The following UBXN7 variants were observed in gnomAD, a reference collection of about 807,000 sequenced individuals.
UBXN7 encodes UBX domain protein 7.
In UBXN7, 9 loss-of-function variants were observed where a neutral mutation model predicts 58.0. That is an observed-to-expected ratio of 0.16 (90% CI 0.09 to 0.27). The LOEUF (loss-of-function observed/expected upper bound fraction) is 0.27. UBXN7 is among the 10% of genes least tolerant of loss of function. The pLI is 1.00. For missense variants in UBXN7, 328 were observed against 599.6 expected (o/e 0.55, Z 4.73); for synonymous variants, 208 against 205.0 (o/e 1.01, Z -0.12).
rs766448543 is a variant in UBXN7 at position 196,368,174 on chromosome 3, G to A, written c.707-19C>T. The A allele has an allele frequency of 1.9e-6, 3 of 1,598,602 alleles. No individual in the cohort carries two copies. Among genetic ancestry groups the A allele is most frequent in the Non-Finnish European group, 8.5e-7 (1 of 1,173,760 alleles). ...TTCTGACCTAAGGATTAAAAACCAA[G>A]ATCTATAAATAAATATAATATCTAG... is the stretch of plus-strand genomic sequence containing the variant. On this transcript the variant is annotated intron_variant, in intron 7 of 10. Transcript: ENST00000296328.
chr3:196,423,044 G>A (rs1730736292), intron 1 of UBXN7, among the ~76,000 whole-genome samples: 3 of 152,222 alleles, frequency 2.0e-5, no homozygotes, highest in Admixed American at 2.0e-4. Flanking sequence ...CTGGAAAACA[G>A]GAGACTAAAA....
At chr3:196,401,764 A>AT (rs201092578) in intron 3 of UBXN7, among the ~76,000 whole-genome samples, 2 of 127,754 alleles carry the variant, frequency 1.6e-5, no homozygotes, top group African/African-American at 5.9e-5. Flanking sequence ...CTCCATCTCT[A>AT]TTTTAAAAAA....
At chr3:196,425,308 T>C (rs906273578) in intron 1 of UBXN7, among the ~76,000 whole-genome samples, 7 of 152,116 alleles carry the variant, frequency 4.6e-5, no homozygotes, top group African/African-American at 7.2e-5. Flanking sequence ...ACTATCTTTC[T>C]TGGGTTAATA....
intron 6 of UBXN7, 62 bp downstream of exon 6, chr3:196,371,834 C>A: frequency 6.4e-7 from 1 of 1,560,484 alleles, no homozygotes. Flanking sequence ...ATTCCTTTCC[C>A]TCAACAACCC....
At chr3:196,372,522 A>G (rs969732187) in intron 5 of UBXN7, among the ~76,000 whole-genome samples, 4 of 151,794 alleles carry the variant, frequency 2.6e-5, no homozygotes, top group African/African-American at 9.7e-5. Context: ...TTGTATTTTT[A>G]GTAGAGATGG....
At chr3:196,389,015 G>A (rs556185527) in intron 5 of UBXN7, among the ~76,000 whole-genome samples, 1 of 152,174 alleles carries the variant, frequency 6.6e-6, no homozygotes, top group Non-Finnish European at 1.5e-5. Flanking sequence ...AACATCAAAA[G>A]AGATTCGTAT....
intron 1 of UBXN7, among the ~76,000 whole-genome samples, chr3:196,412,230 C>CAAAAAAAAAAAAA (rs55746914): frequency 1.1e-5 from 1 of 89,126 alleles, no homozygotes; most frequent in African/African-American, 4.9e-5. Flanking sequence ...GACTTTGTCT[C>CAAAAAAAAAAAAA]AAAAAAAAAA....
chr3:196,413,985 T>C (rs1348666465), intron 1 of UBXN7, among the ~76,000 whole-genome samples: 1 of 152,182 alleles, frequency 6.6e-6, no homozygotes, highest in Non-Finnish European at 1.5e-5. Flanking sequence ...ACGTGTTCAG[T>C]AGAGATGGAA....
Position 196,401,455 on chromosome 3 carries a change from C to T in UBXN7, c.289+1497G>A, listed in dbSNP as rs377584874. On this transcript the variant is annotated intron_variant, in intron 3 of 10. Coordinates refer to ENST00000296328, the MANE Select transcript of UBXN7 (RefSeq NM_015562.2). ...AATTTTATTCATCCTTTTGTTACAACGTATATTTCCTCCTCTTAGTTTACC... is the reference window on the plus strand; with the variant it reads ...AATTTTATTCATCCTTTTGTTACAATGTATATTTCCTCCTCTTAGTTTACC... Among the ~76,000 whole-genome samples the T allele has an allele frequency of 2.9e-4, 44 of 150,448 alleles. 1 individual carries two copies. In the South Asian group the frequency reaches 8.2e-3, roughly 28 times the overall value.
At chr3:196,367,954 A>G in intron 8 of UBXN7, 74 bp downstream of exon 8, 1 of 1,555,404 alleles carries the variant, frequency 6.4e-7, no homozygotes. Flanking sequence ...CCATCTTAAC[A>G]TCGAACATTT....
At chr3:196,399,323 A>G (rs942686375) in intron 3 of UBXN7, among the ~76,000 whole-genome samples, 2 of 150,982 alleles carry the variant, frequency 1.3e-5, no homozygotes, top group African/African-American at 4.9e-5. Context: ...TTTTTTTTTG[A>G]GTTGGGGTCT....
At chr3:196,421,520 C>T (rs1730684887) in intron 1 of UBXN7, among the ~76,000 whole-genome samples, 1 of 152,090 alleles carries the variant, frequency 6.6e-6, no homozygotes, top group Non-Finnish European at 1.5e-5. Flanking sequence ...GCCCATAATC[C>T]CAGCACTTTG....
intron 5 of UBXN7, among the ~76,000 whole-genome samples, chr3:196,387,888 T>C (rs1729459304): frequency 6.6e-6 from 1 of 152,142 alleles, no homozygotes; most frequent in Non-Finnish European, 1.5e-5. Context: ...AGTGTGGCGA[T>C]TCCTCAAGGA....
intron 2 of UBXN7, 81 bp from the exon 3 acceptor site, chr3:196,403,100 T>C: frequency 3.0e-6 from 4 of 1,349,178 alleles, no homozygotes; most frequent in Non-Finnish European, 4.1e-6. Context: ...TGTGAATATA[T>C]TCAAATTAAC....
rs1052750060 is a variant in UBXN7, at chr3:196,354,050, T to C, written c.*2635A>G. The C allele has an allele frequency of 6.6e-6, 1 of 152,224 alleles. No homozygotes were observed. The highest frequency in any genetic ancestry group is 2.4e-5 in the African/African-American group (1 of 41,452). 9.4% of individuals were successfully genotyped at this position (152,224 alleles called of 1,614,324 possible). A position where few individuals can be genotyped will look rare whatever the true frequency, so the allele number is the denominator to read the frequency against. ...AGCATACTGTCAGCGGATTAAATTC[T>C]TGAGCAAGGCAATACTCCTTATGGA... On this transcript the variant is annotated 3_prime_UTR_variant, in exon 11 of 11. Transcript: ENST00000296328.
At chr3:196,365,790 C>T (rs1251493056) in intron 8 of UBXN7, among the ~76,000 whole-genome samples, 1 of 151,996 alleles carries the variant, frequency 6.6e-6, no homozygotes, top group Non-Finnish European at 1.5e-5. Flanking sequence ...GAAACAGATA[C>T]CAAGTAGTCA....
intron 5 of UBXN7, among the ~76,000 whole-genome samples, chr3:196,376,038 G>C (rs1010060145): frequency 6.6e-5 from 10 of 151,772 alleles, no homozygotes; most frequent in African/African-American, 2.4e-4. Flanking sequence ...AAAAAAGAAA[G>C]AAAAAGAAAA....
At position 196,353,570 on chromosome 3, in the gene UBXN7, C is replaced by T. The variant is rs1439691612; in HGVS notation, c.*3115G>A. The T allele has an allele frequency of 6.6e-6, 1 of 151,646 alleles. No homozygotes were observed. Among genetic ancestry groups the T allele is most frequent in the East Asian group, 1.9e-4 (1 of 5,186 alleles). 9.4% of individuals were successfully genotyped at this position (151,646 alleles called of 1,614,324 possible). ...TGGTGCGATCTTGGCTCACTGCAAC[C>T]TCTGCCTCCCAGGTTCAAGCCATTC... On this transcript the variant is annotated 3_prime_UTR_variant, in exon 11 of 11. Transcript: ENST00000296328.
intron 10 of UBXN7, among the ~76,000 whole-genome samples, chr3:196,361,530 C>G (rs1317784253): frequency 2.0e-5 from 3 of 152,074 alleles, no homozygotes; most frequent in Non-Finnish European, 4.4e-5. Context: ...GCAACTGATG[C>G]AGCAACTTCA....
Sources: gnomAD v4.1 joint callset for allele counts (sites outside exome capture counted in the v4.1 genomes callset) on GRCh38, gnomAD v4.1.1 for gene constraint, MANE v1.5 for transcripts, NCBI Gene and HGNC (gene_info 2026-07-23, HGNC 2026-07-21) for gene names.